Variants in ADCY5 observed in about 807,000 individuals in gnomAD.
ADCY5 encodes adenylate cyclase 5, also known as adenylate cyclase type 5.
Under a neutral mutation model 119.7 loss-of-function variants are expected in ADCY5, and 30 were observed. The observed-to-expected ratio is 0.25, with a 90% CI of 0.19 to 0.34. ADCY5 has a LOEUF of 0.34. Ranked by LOEUF, ADCY5 falls within the 10% of genes least tolerant of loss-of-function variation. The pLI, the probability that ADCY5 is intolerant of heterozygous loss-of-function variation, is 1.00. For synonymous variants in ADCY5, 753 were observed against 762.2 expected (o/e 0.99, Z 0.20); for missense variants, 1,324 against 1,775.2 (o/e 0.75, Z 4.57).
chr3:123,331,824 T>A (rs555144268), intron 4 of ADCY5, among the ~76,000 whole-genome samples: 1 of 152,256 alleles, frequency 6.6e-6, no homozygotes, highest in Non-Finnish European at 1.5e-5. Flanking sequence ...AATCCACAGG[T>A]AAGTATATGC....
intron 15 of ADCY5, 108 bp from the exon 16 acceptor site, chr3:123,297,490 T>C (rs1939592716): frequency 5.6e-6 from 7 of 1,253,806 alleles, no homozygotes; most frequent in Non-Finnish European, 8.1e-6. Context: ...CCACTGCTGC[T>C]CCTTGGCTCC....
chr3:123,342,533 G>A (rs1403359954), intron 3 of ADCY5, among the ~76,000 whole-genome samples: 1 of 152,154 alleles, frequency 6.6e-6, no homozygotes, highest in Non-Finnish European at 1.5e-5. Flanking sequence ...CAGGACTCGG[G>A]TGCCTGATCC....
chr3:123,427,618 A>T (rs1305164098), intron 1 of ADCY5, among the ~76,000 whole-genome samples: 1 of 152,178 alleles, frequency 6.6e-6, no homozygotes, highest in South Asian at 2.1e-4. Context: ...GTGGTGATGT[A>T]TAAGAGGCCA....
Position 123,303,057 on chromosome 3 carries a change from C to T in ADCY5, c.2722G>A (p.Glu908Lys). 1 of 1,613,416 alleles carries T rather than the reference C, an allele frequency of 6.2e-7. No homozygotes were observed. The change falls in exon 14 of 21, where the codon GAG becomes AAG. Residue 908 changes from glutamate to lysine, a missense_variant and splice_region_variant. Around this residue, in one of 6 missense-constraint regions of ADCY5, gnomAD observed 424 missense variants for 546.8 expected, o/e 0.78. Coordinates refer to ENST00000462833, the MANE Select transcript of ADCY5 (RefSeq NM_183357.3). ...GSPWPNCNFP[E>K]YFTYSVLLSL... ...TCCAGCCCCTGTGCACCCAGTACCT[C>T]GGGGAAGTTGCAGTTGGGCCAGGGG...
At chr3:123,313,245 C>T (rs963737545) in intron 12 of ADCY5, among the ~76,000 whole-genome samples, 4 of 152,106 alleles carry the variant, frequency 2.6e-5, no homozygotes, top group Admixed American at 6.5e-5. Flanking sequence ...TTGACCATGA[C>T]GTGACTATAC....
intron 1 of ADCY5, among the ~76,000 whole-genome samples, chr3:123,362,477 G>T (rs1316465238): frequency 6.6e-6 from 1 of 152,170 alleles, no homozygotes; most frequent in African/African-American, 2.4e-5. Context: ...GAGAGAAGTG[G>T]CCACATTGTA....
At chr3:123,378,915 T>C (rs1943933529) in intron 1 of ADCY5, among the ~76,000 whole-genome samples, 1 of 152,182 alleles carries the variant, frequency 6.6e-6, no homozygotes, top group Non-Finnish European at 1.5e-5. Flanking sequence ...CCCATGCAAG[T>C]GACATCAATT....
chr3:123,369,238 A>G (rs1943554074), intron 1 of ADCY5, among the ~76,000 whole-genome samples: 1 of 152,200 alleles, frequency 6.6e-6, no homozygotes, highest in South Asian at 2.1e-4. Flanking sequence ...CCACATCATG[A>G]TGAACAAGAA....
chr3:123,387,866 C>T (rs924687384), intron 1 of ADCY5, among the ~76,000 whole-genome samples: 2 of 152,138 alleles, frequency 1.3e-5, no homozygotes, highest in South Asian at 2.1e-4. Context: ...CAGCTGGTCA[C>T]GGTGTGTGGT....
At chr3:123,285,585 G>A (rs1938686480) in intron 20 of ADCY5, among the ~76,000 whole-genome samples, 1 of 152,346 alleles carries the variant, frequency 6.6e-6, no homozygotes, top group South Asian at 2.1e-4. Flanking sequence ...CGGTAGGAGT[G>A]CTGGGTGGGC....
chr3:123,304,465 T>C (rs1359945085), intron 12 of ADCY5, among the ~76,000 whole-genome samples: 4 of 152,266 alleles, frequency 2.6e-5, no homozygotes, highest in Admixed American at 2.6e-4. Context: ...AGATGGTATC[T>C]TGACCCAACA....
chr3:123,350,405 C>T (rs1942782214), intron 2 of ADCY5, among the ~76,000 whole-genome samples: 1 of 152,218 alleles, frequency 6.6e-6, no homozygotes, highest in Non-Finnish European at 1.5e-5. Flanking sequence ...CCACCAAAGG[C>T]CAACTCTCAG....
chr3:123,385,862 C>T (rs1305481086), intron 1 of ADCY5, among the ~76,000 whole-genome samples: 2 of 152,164 alleles, frequency 1.3e-5, no homozygotes, highest in Non-Finnish European at 2.9e-5. Flanking sequence ...AGACTTCTTT[C>T]GTGGACAGGC....
chr3:123,310,238 T>A (rs1463010687), intron 12 of ADCY5, among the ~76,000 whole-genome samples: 1 of 151,030 alleles, frequency 6.6e-6, no homozygotes, highest in Non-Finnish European at 1.5e-5. Context: ...TGAGCCACAG[T>A]AAGGGCTGAG....
At chr3:123,303,357 A>C in intron 13 of ADCY5, 138 bp from the exon 14 acceptor site, 1 of 1,001,440 alleles carries the variant, frequency 1.0e-6, no homozygotes, top group Non-Finnish European at 1.5e-6. Context: ...CAAAATCTGA[A>C]AGAGTCTGAG....
chr3:123,430,494 C>A (rs1945501730), intron 1 of ADCY5, among the ~76,000 whole-genome samples: 1 of 152,210 alleles, frequency 6.6e-6, no homozygotes, highest in African/African-American at 2.4e-5. Flanking sequence ...CCGAAATCAG[C>A]CCCACAGGCG....
At chr3:123,430,255 CTG>C (rs1207235001) in intron 1 of ADCY5, among the ~76,000 whole-genome samples, 1 of 152,232 alleles carries the variant, frequency 6.6e-6, no homozygotes, top group Non-Finnish European at 1.5e-5. Context: ...AGCAAAAAGA[CTG>C]TGGGGAATAC....
intron 3 of ADCY5, among the ~76,000 whole-genome samples, chr3:123,338,417 CTG>C (rs1942122396): frequency 6.6e-6 from 1 of 152,248 alleles, no homozygotes; most frequent in South Asian, 2.1e-4. Context: ...TGCTTAATGA[CTG>C]TCACTTCTGC....
chr3:123,376,552 A>T (rs563668659), intron 1 of ADCY5, among the ~76,000 whole-genome samples: 7 of 152,314 alleles, frequency 4.6e-5, no homozygotes, highest in African/African-American at 1.4e-4. Context: ...CACCCCACTC[A>T]GGGCCTCAGG....
Sources: gnomAD v4.1 joint callset for allele counts (sites outside exome capture counted in the v4.1 genomes callset) on GRCh38, gnomAD v4.1.1 for gene constraint, gnomAD v4.1.1 regional missense constraint, MANE v1.5 for transcripts, NCBI Gene and HGNC (gene_info 2026-07-23, HGNC 2026-07-21) for gene names.